The following C10orf90 variants were observed in gnomAD, a reference collection of about 807,000 sequenced individuals.
C10orf90 encodes chromosome 10 open reading frame 90.
A neutral mutation model predicts 62.5 loss-of-function variants in C10orf90; 56 were observed. The ratio of observed to expected loss-of-function variants is 0.90; its 90% CI spans 0.72 to 1.12. C10orf90 has a LOEUF of 1.12. C10orf90 is among the 50% of genes most tolerant of loss of function. The pLI is 0.00. For synonymous variants in C10orf90, 386 were observed against 340.4 expected (o/e 1.13, Z -1.47); for missense variants, 970 against 880.4 (o/e 1.10, Z -1.29).
rs565222155 is a variant in C10orf90, at chr10:126,640,611, T to C, written c.313+5954A>G. On this transcript the variant is annotated intron_variant, in intron 2 of 9. Coordinates refer to ENST00000488181, the MANE Select transcript of C10orf90 (RefSeq NM_001350921.2). The stretch of plus-strand genomic sequence containing the variant: ...GGTTGTGGTTGTGCAATCAACAAAA[T>C]GCCCTGGAGAGACCTGGGGTGGGGT... Among the ~76,000 whole-genome samples, 18 of 152,308 alleles carry C rather than the reference T, an allele frequency of 1.2e-4. No homozygotes were observed. The South Asian group carries it at 1.7e-3, about 14-fold the overall frequency.
intron 2 of C10orf90, among the ~76,000 whole-genome samples, chr10:126,560,777 C>T (rs1336781848): frequency 1.3e-5 from 2 of 152,180 alleles, no homozygotes; most frequent in African/African-American, 4.8e-5. Flanking sequence ...GTGAGACCTT[C>T]CCTGGATGAT....
chr10:126,463,143 C>G (rs887020497), intron 5 of C10orf90: 16 of 152,384 alleles, frequency 1.0e-4, no homozygotes, highest in African/African-American at 3.9e-4. Flanking sequence ...CTAGTTCACC[C>G]TGTGCACAGG....
intron 2 of C10orf90, among the ~76,000 whole-genome samples, chr10:126,582,914 G>C (rs1028210039): frequency 5.3e-5 from 8 of 152,202 alleles, no homozygotes; most frequent in African/African-American, 1.9e-4. Flanking sequence ...CCAAGACACT[G>C]TTCCTGCAAA....
chr10:126,501,571 GA>G (rs1259602583), intron 4 of C10orf90, among the ~76,000 whole-genome samples: 1 of 152,068 alleles, frequency 6.6e-6, no homozygotes, highest in African/African-American at 2.4e-5. Flanking sequence ...AGCTTGATGG[GA>G]CCTCGAAAAC....
At chr10:126,439,010 C>T (rs1263694583) in intron 7 of C10orf90, among the ~76,000 whole-genome samples, 1 of 152,126 alleles carries the variant, frequency 6.6e-6, no homozygotes, top group Non-Finnish European at 1.5e-5. Flanking sequence ...TACCATACAT[C>T]GTACACCAAT....
chr10:126,495,479 G>T (rs1368663243), intron 4 of C10orf90, among the ~76,000 whole-genome samples: 1 of 152,194 alleles, frequency 6.6e-6, no homozygotes, highest in East Asian at 1.9e-4. Context: ...CCCTCATGGG[G>T]CTATGACCTA....
intron 2 of C10orf90, among the ~76,000 whole-genome samples, chr10:126,565,143 TTA>T (rs1844320146): frequency 3.3e-4 from 4 of 12,186 alleles, no homozygotes; most frequent in African/African-American, 2.3e-3. Context: ...AAATATAATA[TTA>T]AATATGTAAT....
At chr10:126,470,378 T>C (rs752204611) in intron 4 of C10orf90, among the ~76,000 whole-genome samples, 1 of 152,166 alleles carries the variant, frequency 6.6e-6, no homozygotes, top group Non-Finnish European at 1.5e-5. Flanking sequence ...CAAAACCACC[T>C]CCAATTACAA....
chr10:126,511,168 A>C (rs539036687), intron 3 of C10orf90, among the ~76,000 whole-genome samples: 1 of 152,176 alleles, frequency 6.6e-6, no homozygotes, highest in Non-Finnish European at 1.5e-5. Context: ...CGCATTTTCC[A>C]GTGTATGAAC....
chr10:126,474,959 G>A (rs1860779412), intron 4 of C10orf90, among the ~76,000 whole-genome samples: 1 of 152,206 alleles, frequency 6.6e-6, no homozygotes, highest in African/African-American at 2.4e-5. Context: ...TGAGGCCAGT[G>A]GGGAATAATG....
At chr10:126,447,662 G>A (rs991370943) in intron 7 of C10orf90, among the ~76,000 whole-genome samples, 1 of 152,100 alleles carries the variant, frequency 6.6e-6, no homozygotes, top group Non-Finnish European at 1.5e-5. Flanking sequence ...GGACTTAAAC[G>A]ATACATCCAA....
chr10:126,505,846 C>T (rs547821824), intron 3 of C10orf90, among the ~76,000 whole-genome samples: 183 of 152,226 alleles, frequency 1.2e-3, no homozygotes, highest in African/African-American at 4.2e-3. Flanking sequence ...CCCAGCTACT[C>T]GGGAGGCTGA....
chr10:126,512,744 A>G (rs1431307945), intron 3 of C10orf90, among the ~76,000 whole-genome samples: 1 of 152,110 alleles, frequency 6.6e-6, no homozygotes, highest in African/African-American at 2.4e-5. Flanking sequence ...TCCTGCTCCG[A>G]GGGAACAAAT....
At chr10:126,586,129 T>C (rs959922175) in intron 2 of C10orf90, among the ~76,000 whole-genome samples, 1 of 152,262 alleles carries the variant, frequency 6.6e-6, no homozygotes, top group African/African-American at 2.4e-5. Context: ...GGCTTTAGTG[T>C]ATTTCCTAAT....
intron 2 of C10orf90, among the ~76,000 whole-genome samples, chr10:126,583,350 G>A (rs1844792776): frequency 6.6e-6 from 1 of 152,176 alleles, no homozygotes; most frequent in East Asian, 1.9e-4. Context: ...ATTCTCATAT[G>A]AAGAACTAAA....
intron 6 of C10orf90, among the ~76,000 whole-genome samples, chr10:126,460,145 G>A (rs1255226896): frequency 1.3e-5 from 2 of 152,182 alleles, no homozygotes; most frequent in Non-Finnish European, 2.9e-5. Flanking sequence ...ACCACCCATA[G>A]CCATTGGCTC....
At chr10:126,564,069 T>C (rs1317454081) in intron 2 of C10orf90, among the ~76,000 whole-genome samples, 1 of 151,940 alleles carries the variant, frequency 6.6e-6, no homozygotes, top group Non-Finnish European at 1.5e-5. Context: ...ACCACAAATG[T>C]CTCCAGACAT....
chr10:126,585,530 A>G (rs1844853252), intron 2 of C10orf90, among the ~76,000 whole-genome samples: 1 of 96,710 alleles, frequency 1.0e-5, no homozygotes, highest in East Asian at 3.3e-4. Flanking sequence ...GAGGAGAATG[A>G]GAGAAAAAGA....
rs577178589 is a variant in C10orf90, at chr10:126,453,212, C to T, written c.2188+5828G>A. Among the ~76,000 whole-genome samples the T allele has an allele frequency of 1.2e-4, 19 of 152,276 alleles. No homozygotes were observed. Among genetic ancestry groups the T allele is most frequent in the East Asian group, 3.9e-4 (2 of 5,176 alleles). On this transcript the variant is annotated intron_variant, in intron 7 of 9. Transcript: ENST00000488181. The surrounding 1 kb of genome is among the most constrained non-coding windows in gnomAD (Gnocchi z 4.9). ...CTGACTTGGCTCACCTTGGGAAGTG[C>T]GGATAATGCAATTTGGATGAATTCA...
Sources: allele counts gnomAD v4.1 joint callset (sites outside exome capture counted in the v4.1 genomes callset), GRCh38; gene constraint gnomAD v4.1.1; non-coding constraint Gnocchi (gnomAD v3.1); transcripts MANE v1.5; gene names NCBI Gene and HGNC (gene_info 2026-07-23, HGNC 2026-07-21).